The following SCAPER variants were observed in gnomAD, a reference collection of about 807,000 sequenced individuals.
SCAPER encodes S-phase cyclin A associated protein in the ER.
SCAPER carries 98 observed loss-of-function variants against 182.2 expected under a neutral mutation model. The observed-to-expected ratio is 0.54, with a 90% CI of 0.46 to 0.64. SCAPER has a LOEUF of 0.64. Among genes scored for constraint, SCAPER ranks in the 30% least tolerant of loss-of-function variants. The probability of loss-of-function intolerance (pLI) is 0.00; values close to 1 mark genes in which losing one functional copy is unlikely to be tolerated. For missense variants in SCAPER, 1,432 were observed against 1,690.0 expected, an observed-to-expected ratio of 0.85 and a Z score of 2.68; for synonymous variants, 605 against 564.6, an observed-to-expected ratio of 1.07 and a Z score of -1.01.
chr15:76,665,624 T>C, intron 21 of SCAPER, 29 bp downstream of exon 21: 1 of 1,556,642 alleles, frequency 6.4e-7, no homozygotes, highest in African/African-American at 1.4e-5. Flanking sequence ...TAAAAGTTTT[T>C]CTTTTGCTTT....
intron 2 of SCAPER, 119 bp from the exon 3 acceptor site, chr15:76,862,652 G>T: frequency 1.8e-6 from 1 of 570,638 alleles, no homozygotes. Context: ...AATTTGGGAT[G>T]TGGTGGGTGG....
intron 11 of SCAPER, 133 bp downstream of exon 11, chr15:76,766,785 A>G (rs750670327): frequency 1.6e-5 from 11 of 700,400 alleles, no homozygotes; most frequent in Middle Eastern, 4.0e-4. Flanking sequence ...AATAATAGTT[A>G]TGATTACTGA....
chr15:76,643,667 G>C (rs1417146070), intron 21 of SCAPER, among the ~76,000 whole-genome samples: 1 of 152,156 alleles, frequency 6.6e-6, no homozygotes. Flanking sequence ...AGGTGACAGG[G>C]CGAAACTCTG....
intron 23 of SCAPER, among the ~76,000 whole-genome samples, chr15:76,553,865 G>A (rs1263255872): frequency 2.6e-5 from 4 of 152,176 alleles, no homozygotes; most frequent in Admixed American, 6.6e-5. Context: ...AGGAACATCA[G>A]CCCACACAGA....
At chr15:76,420,799 T>C (rs2045979032) in intron 26 of SCAPER, among the ~76,000 whole-genome samples, 1 of 152,130 alleles carries the variant, frequency 6.6e-6, no homozygotes, top group African/African-American at 2.4e-5. Flanking sequence ...GGCCCCGGTG[T>C]GTGATGTTCC....
chr15:76,639,383 C>CT (rs965174707), intron 21 of SCAPER, among the ~76,000 whole-genome samples: 2 of 152,100 alleles, frequency 1.3e-5, no homozygotes, highest in African/African-American at 4.8e-5. Flanking sequence ...GATTTAACTC[C>CT]TTTTTTCCTC....
intron 29 of SCAPER, among the ~76,000 whole-genome samples, chr15:76,375,899 C>T (rs778709104): frequency 3.3e-5 from 5 of 152,136 alleles, no homozygotes; most frequent in Admixed American, 6.5e-5. Flanking sequence ...GCATGAGAAT[C>T]GCTTGAACCT....
At chr15:76,664,738 G>A (rs778798492) in intron 21 of SCAPER, among the ~76,000 whole-genome samples, 1 of 152,096 alleles carries the variant, frequency 6.6e-6, no homozygotes, top group Admixed American at 6.6e-5. Context: ...AAAATACACC[G>A]TAAAACTATT....
At chr15:76,902,091 T>C (rs570399130) in intron 1 of SCAPER, among the ~76,000 whole-genome samples, 13 of 152,130 alleles carry the variant, frequency 8.5e-5, no homozygotes, top group Non-Finnish European at 1.6e-4. Context: ...ACAAGACCCA[T>C]AGCCAATCAG....
intron 22 of SCAPER, among the ~76,000 whole-genome samples, chr15:76,612,535 C>G (rs2051099255): frequency 6.6e-6 from 1 of 152,064 alleles, no homozygotes; most frequent in East Asian, 1.9e-4. Context: ...TGTGCCCAAC[C>G]CTCCAAAAGC....
chr15:76,655,471 T>G (rs1051344337), intron 21 of SCAPER, among the ~76,000 whole-genome samples: 1 of 152,204 alleles, frequency 6.6e-6, no homozygotes, highest in Admixed American at 6.5e-5. Context: ...AAAGCATATT[T>G]GAGGACATCA....
chr15:76,698,778 AG>A (rs1481952343), intron 20 of SCAPER, among the ~76,000 whole-genome samples: 1 of 152,218 alleles, frequency 6.6e-6, no homozygotes, highest in East Asian at 1.9e-4. Context: ...ATTTTAGAAT[AG>A]TTTTTTCTAA....
At chr15:76,883,645 T>G (rs936878128) in intron 2 of SCAPER, among the ~76,000 whole-genome samples, 167 bp downstream of exon 2, 1 of 152,236 alleles carries the variant, frequency 6.6e-6, no homozygotes, top group Non-Finnish European at 1.5e-5. Flanking sequence ...TCCTGGGCTC[T>G]AAGGTTGAAT....
At chr15:76,710,108 G>C (rs1390777574) in intron 17 of SCAPER, among the ~76,000 whole-genome samples, 1 of 152,050 alleles carries the variant, frequency 6.6e-6, no homozygotes, top group Non-Finnish European at 1.5e-5. Context: ...AACAAAACAA[G>C]GACACCCAAC....
Position 76,829,573 on chromosome 15 carries a change from T to C in SCAPER, c.393+12161A>G, listed in dbSNP as rs150242198. 2.0e-3 allele frequency among the ~76,000 whole-genome samples: 301 copies of C among 152,254 alleles called. 1 individual carries two copies. Among genetic ancestry groups the C allele is most frequent in the Non-Finnish European group, 3.9e-3 (264 of 68,020 alleles). Reference sequence around the variant, plus strand: ...TGGCCCATTACTCCAACTACTCTCTTACCCTCTTCAACTCCTTTTACTCTA... The same window carrying C: ...TGGCCCATTACTCCAACTACTCTCTCACCCTCTTCAACTCCTTTTACTCTA... On this transcript the variant is annotated intron_variant, in intron 5 of 31. Coordinates refer to ENST00000563290, the MANE Select transcript of SCAPER (RefSeq NM_020843.4).
At chr15:76,879,318 G>A (rs922285048) in intron 2 of SCAPER, among the ~76,000 whole-genome samples, 1 of 152,064 alleles carries the variant, frequency 6.6e-6, no homozygotes, top group African/African-American at 2.4e-5. Flanking sequence ...GGGGTCCCTT[G>A]TGGTTCTAGG....
chr15:76,546,151 C>G (rs2045264146), intron 23 of SCAPER, among the ~76,000 whole-genome samples: 1 of 151,586 alleles, frequency 6.6e-6, no homozygotes, highest in Non-Finnish European at 1.5e-5. Flanking sequence ...AGGTTTAGTA[C>G]CCTTCCCAGG....
chr15:76,723,360 AT>A (rs996622978), intron 17 of SCAPER, among the ~76,000 whole-genome samples: 41 of 152,236 alleles, frequency 2.7e-4, no homozygotes, highest in African/African-American at 8.7e-4. Context: ...TATGTGGTCA[AT>A]TTTGGAATAG....
Position 76,514,078 on chromosome 15 carries a change from C to G in SCAPER, c.2839-9104G>C, listed in dbSNP as rs117675353. 4.0e-4 allele frequency among the ~76,000 whole-genome samples: 61 copies of G among 152,292 alleles called. 2 individuals are homozygous for G. In the East Asian group the frequency reaches 0.012, roughly 29 times the overall value. On this transcript the variant is annotated intron_variant, in intron 23 of 31. Transcript: ENST00000563290. Reference sequence around the variant, plus strand: ...CACAGGATGCACACACTGCAGGTATCAAGCAAAGTGTTTTCAGTGACTGAA... The same window carrying G: ...CACAGGATGCACACACTGCAGGTATGAAGCAAAGTGTTTTCAGTGACTGAA...
Sources: gnomAD v4.1 joint callset for allele counts (sites outside exome capture counted in the v4.1 genomes callset) on GRCh38, gnomAD v4.1.1 for gene constraint, MANE v1.5 for transcripts, NCBI Gene and HGNC (gene_info 2026-07-23, HGNC 2026-07-21) for gene names.